CLIP1: variants seen among roughly 807,000 people sequenced by gnomAD.
CLIP1 encodes CAP-Gly domain containing linker protein 1, also known as CAP-Gly domain-containing linker protein 1.
CLIP1 carries 66 observed loss-of-function variants against 161.6 expected under a neutral mutation model. The observed-to-expected ratio is 0.41, with a 90% confidence interval of 0.33 to 0.50. The LOEUF (loss-of-function observed/expected upper bound fraction) is 0.50, where lower values mean the gene tolerates loss of function less well. Among genes scored for constraint, CLIP1 ranks in the 20% least tolerant of loss-of-function variants. The pLI, the probability that CLIP1 is intolerant of heterozygous loss-of-function variation, is 0.27. For missense variants in CLIP1, 1,376 were observed against 1,702.0 expected (o/e 0.81, Z 3.37); for synonymous variants, 598 against 626.2 (o/e 0.96, Z 0.67).
intron 1 of CLIP1, among the ~76,000 whole-genome samples, chr12:122,410,016 G>T (rs1031071335): frequency 1.3e-5 from 2 of 150,952 alleles, no homozygotes; most frequent in African/African-American, 4.9e-5. Context: ...GACTACAGGC[G>T]CCTGTCACCA....
At chr12:122,320,669 AG>A (rs1418121977) in intron 17 of CLIP1, among the ~76,000 whole-genome samples, 1 of 149,722 alleles carries the variant, frequency 6.7e-6, no homozygotes, top group Admixed American at 6.7e-5. Context: ...GGTTGCAGTG[AG>A]CCAAGGTCAC....
chr12:122,341,554 T>C lies in CLIP1; in HGVS notation c.1650A>G (p.Gln550=). The C allele has an allele frequency of 6.2e-7, 1 of 1,614,056 alleles. No individual in the cohort carries two copies. The highest frequency in any genetic ancestry group is 1.7e-5 in the Admixed American group (1 of 59,994). Reference sequence around the variant, plus strand: ...ACTTTTCTTGCAAAGAGCTTATCTCTTGCAAAAGGGAAAGTGACATGTCCA... The same window carrying C: ...ACTTTTCTTGCAAAGAGCTTATCTCCTGCAAAAGGGAAAGTGACATGTCCA... The part of the protein sequence containing the change: ...GDVDMSLSLL[Q]EISSLQEKLE... The change falls in exon 11 of 26, where the codon CAA becomes CAG. Residue 550 remains glutamine, a synonymous_variant. Transcript: ENST00000620786.
chr12:122,375,849 C>A (rs571929917), intron 3 of CLIP1, among the ~76,000 whole-genome samples: 1 of 148,552 alleles, frequency 6.7e-6, no homozygotes, highest in Admixed American at 6.8e-5. Flanking sequence ...GCTGGAGTGC[C>A]ATGACATAAT....
chr12:122,402,570 G>A (rs1956179842), intron 1 of CLIP1, among the ~76,000 whole-genome samples: 2 of 152,112 alleles, frequency 1.3e-5, no homozygotes, highest in Admixed American at 1.3e-4. Flanking sequence ...GAGGTCAAGA[G>A]TTTGACAGCA....
At chr12:122,374,299 G>A (rs538305792) in intron 3 of CLIP1, among the ~76,000 whole-genome samples, 5 of 128,832 alleles carry the variant, frequency 3.9e-5, no homozygotes, top group East Asian at 2.6e-4. Context: ...GTGAAACCCC[G>A]TCTCTACTAA....
intron 13 of CLIP1, among the ~76,000 whole-genome samples, chr12:122,334,311 A>C (rs1391919719): frequency 6.6e-6 from 1 of 152,242 alleles, no homozygotes; most frequent in Non-Finnish European, 1.5e-5. Flanking sequence ...TCCCTGAATC[A>C]GTACTTCAGA....
At chr12:122,358,214 C>T (rs1004116339) in intron 5 of CLIP1, among the ~76,000 whole-genome samples, 3 of 151,006 alleles carry the variant, frequency 2.0e-5, no homozygotes, top group Non-Finnish European at 3.0e-5. Context: ...GCAAGATGTG[C>T]TTTGTTAAAC....
At chr12:122,285,489 C>A (rs1261849215) in intron 21 of CLIP1, among the ~76,000 whole-genome samples, 2 of 152,174 alleles carry the variant, frequency 1.3e-5, no homozygotes. Flanking sequence ...ACCTCGGCCT[C>A]CCAAAGTGCT....
chr12:122,358,940 A>G (rs1431505131), intron 5 of CLIP1, among the ~76,000 whole-genome samples: 1 of 152,104 alleles, frequency 6.6e-6, no homozygotes, highest in Non-Finnish European at 1.5e-5. Flanking sequence ...GTGTGCCTAT[A>G]ATCCCAGCTA....
chr12:122,410,812 A>G (rs1956500384), intron 1 of CLIP1, among the ~76,000 whole-genome samples: 1 of 152,198 alleles, frequency 6.6e-6, no homozygotes, highest in African/African-American at 2.4e-5. Context: ...TTGTTTCTCC[A>G]AAGAAGCTAT....
chr12:122,353,636 CTTT>C (rs200265709), intron 7 of CLIP1, among the ~76,000 whole-genome samples: 2 of 146,580 alleles, frequency 1.4e-5, no homozygotes, highest in Non-Finnish European at 3.0e-5. Flanking sequence ...ATAATGTTTT[CTTT>C]TTTTTTTTTG....
At chr12:122,303,513 G>T (rs1950763610) in intron 20 of CLIP1, among the ~76,000 whole-genome samples, 3 of 152,144 alleles carry the variant, frequency 2.0e-5, no homozygotes, top group Admixed American at 1.3e-4. Context: ...TTTCTGGATA[G>T]AGTCAAGGTT....
chr12:122,328,681 T>G (rs1392394738), intron 15 of CLIP1, among the ~76,000 whole-genome samples: 1 of 152,076 alleles, frequency 6.6e-6, no homozygotes, highest in Non-Finnish European at 1.5e-5. Flanking sequence ...GCCTCCCGGG[T>G]TCATGCCATT....
rs761162814 is a variant in CLIP1 at position 122,279,147 on chromosome 12, TA to T, written c.3648-3del. ...GCGTCTTTTATGAACTTGGATTCTC[TA>T]AAAGACCAAAGAGTTAAAAGTTCCA... On this transcript the variant is annotated splice_region_variant and splice_polypyrimidine_tract_variant and intron_variant, in intron 21 of 25. Transcript: ENST00000620786. The surrounding 1 kb of genome is among the most constrained non-coding windows in gnomAD (Gnocchi z 4.5). 1 of 1,601,736 alleles carries T rather than the reference TA, an allele frequency of 6.2e-7. No individual in the cohort carries two copies.
intron 5 of CLIP1, among the ~76,000 whole-genome samples, chr12:122,358,149 G>A (rs943671038): frequency 6.6e-6 from 1 of 151,906 alleles, no homozygotes; most frequent in Non-Finnish European, 1.5e-5. Context: ...CCCCAACCCT[G>A]TGCTCTCTGA....
At chr12:122,284,669 G>C (rs942746735) in intron 21 of CLIP1, among the ~76,000 whole-genome samples, 27 of 152,168 alleles carry the variant, frequency 1.8e-4, no homozygotes, top group African/African-American at 6.0e-4. Flanking sequence ...ATCTTTTTAA[G>C]CCATGAAAAG....
rs1055071715 is a variant in CLIP1 at position 122,311,228 on chromosome 12, C to A, written c.3474-1346G>T. On this transcript the variant is annotated intron_variant, in intron 19 of 25. Transcript: ENST00000620786. This position sits in a 1 kb window ranked among gnomAD's most constrained non-coding sequence, Gnocchi z 4.3. ...AAATTACCATAAGCTAAACATATTTCCCAGGTGGTCACTGCCTTCATGAGT... is the reference window on the plus strand; with the variant it reads ...AAATTACCATAAGCTAAACATATTTACCAGGTGGTCACTGCCTTCATGAGT... Among the ~76,000 whole-genome samples, 1 of 151,964 alleles carries A rather than the reference C, an allele frequency of 6.6e-6. No individual in the cohort carries two copies. The highest frequency in any genetic ancestry group is 1.5e-5 in the Non-Finnish European group (1 of 68,000).
intron 1 of CLIP1, among the ~76,000 whole-genome samples, chr12:122,411,506 T>G (rs1479387931): frequency 6.6e-6 from 1 of 152,098 alleles, no homozygotes; most frequent in Non-Finnish European, 1.5e-5. Flanking sequence ...GTTCATCAAG[T>G]GATGAAGAGA....
chr12:122,374,802 A>C (rs1237768147), intron 3 of CLIP1, among the ~76,000 whole-genome samples: 1 of 152,040 alleles, frequency 6.6e-6, no homozygotes, highest in African/African-American at 2.4e-5. Context: ...AGAAAATTCT[A>C]CTCTAAGATT....
Sources: allele counts gnomAD v4.1 joint callset (sites outside exome capture counted in the v4.1 genomes callset), GRCh38; gene constraint gnomAD v4.1.1; non-coding constraint Gnocchi (gnomAD v3.1); transcripts MANE v1.5; gene names NCBI Gene and HGNC (gene_info 2026-07-23, HGNC 2026-07-21).